The following GALNT17 variants were observed in gnomAD, a reference collection of about 807,000 sequenced individuals.
The protein encoded by GALNT17 is polypeptide N-acetylgalactosaminyltransferase 17.
A neutral mutation model predicts 63.7 loss-of-function variants in GALNT17; 29 were observed. That is an observed-to-expected ratio of 0.46 (90% CI 0.34 to 0.62). The LOEUF (loss-of-function observed/expected upper bound fraction) is 0.62, where lower values mean the gene tolerates loss of function less well. Ranked by LOEUF, GALNT17 falls within the 20% of genes least tolerant of loss-of-function variation. GALNT17 has a pLI of 0.01. For synonymous variants in GALNT17, 305 were observed against 318.3 expected, an observed-to-expected ratio of 0.96 and a Z score of 0.45; for missense variants, 603 against 799.6, an observed-to-expected ratio of 0.75 and a Z score of 2.97.
chr7:71,711,934 C>A, intron 10 of GALNT17, 84 bp from the exon 11 acceptor site: 1 of 1,437,748 alleles, frequency 7.0e-7, no homozygotes, highest in Non-Finnish European at 9.6e-7. Flanking sequence ...TCTCTCCTGT[C>A]TCTCTTTCTC....
chr7:71,702,806 T>A (rs492162), intron 9 of GALNT17, among the ~76,000 whole-genome samples: 127,585 of 152,066 alleles, frequency 0.84, 53,995 homozygotes, highest in East Asian at 0.99. Flanking sequence ...ATGGATTGAA[T>A]ATGGTGGATC....
intron 5 of GALNT17, among the ~76,000 whole-genome samples, chr7:71,512,014 C>CTTT (rs11409175): frequency 0.022 from 2,835 of 131,452 alleles, 141 homozygotes; most frequent in African/African-American, 0.075. Flanking sequence ...GGGTTCCAGC[C>CTTT]TTTTTTTTTT....
chr7:71,210,983 T>C (rs1311747430), intron 1 of GALNT17, among the ~76,000 whole-genome samples: 1 of 152,190 alleles, frequency 6.6e-6, no homozygotes, highest in Non-Finnish European at 1.5e-5. Context: ...CCAAAAATAT[T>C]TTTGGAAAAA....
intron 5 of GALNT17, among the ~76,000 whole-genome samples, chr7:71,481,865 T>A (rs1787823574): frequency 6.6e-6 from 1 of 152,118 alleles, no homozygotes; most frequent in Admixed American, 6.5e-5. Flanking sequence ...TTCAGCTTGT[T>A]CTTGCTTGCT....
chr7:71,623,998 T>C (rs1790334821), intron 6 of GALNT17, among the ~76,000 whole-genome samples: 1 of 152,002 alleles, frequency 6.6e-6, no homozygotes, highest in African/African-American at 2.4e-5. Flanking sequence ...CCCCAGGAAG[T>C]CAAGGAAGCC....
chr7:71,452,673 A>G (rs1787285056), intron 5 of GALNT17, among the ~76,000 whole-genome samples: 1 of 152,160 alleles, frequency 6.6e-6, no homozygotes, highest in South Asian at 2.1e-4. Flanking sequence ...AATCATTTGT[A>G]TTTGCTTCCT....
intron 9 of GALNT17, among the ~76,000 whole-genome samples, chr7:71,704,657 G>A (rs1480318238): frequency 6.6e-6 from 1 of 152,136 alleles, no homozygotes; most frequent in Non-Finnish European, 1.5e-5. Context: ...GTATAGTGTG[G>A]CACAAAGATA....
intron 1 of GALNT17, among the ~76,000 whole-genome samples, chr7:71,298,711 G>GGTGTGT (rs10602909): frequency 0.012 from 1,740 of 141,566 alleles, 32 homozygotes; most frequent in African/African-American, 0.043. Flanking sequence ...ATTCCAGTGG[G>GGTGTGT]GTGTGTGTGT....
chr7:71,147,663 A>C (rs575274572), intron 1 of GALNT17, among the ~76,000 whole-genome samples: 1 of 150,510 alleles, frequency 6.6e-6, no homozygotes, highest in Non-Finnish European at 1.5e-5. Context: ...ACGGAGTCTC[A>C]CTCTGTCGTC....
intron 6 of GALNT17, among the ~76,000 whole-genome samples, chr7:71,588,528 T>C (rs1789752337): frequency 6.6e-6 from 1 of 152,224 alleles, no homozygotes; most frequent in Non-Finnish European, 1.5e-5. Flanking sequence ...TTGTTTTTTC[T>C]TTTCTACCGA....
chr7:71,456,003 T>C (rs1230455497), intron 5 of GALNT17, among the ~76,000 whole-genome samples: 1 of 152,112 alleles, frequency 6.6e-6, no homozygotes, highest in African/African-American at 2.4e-5. Flanking sequence ...CCCAGCACTT[T>C]GGGAGGCTGA....
chr7:71,706,076 G>T lies in GALNT17; in HGVS notation c.1501-4685G>T, dbSNP rs150177187. ...TGGTAGAAAAGCGGATGTGAGATCTGTTTGCCTAACTTTAGCCCCATCATT... is the reference window on the plus strand; with the variant it reads ...TGGTAGAAAAGCGGATGTGAGATCTTTTTGCCTAACTTTAGCCCCATCATT... On this transcript the variant is annotated intron_variant, in intron 9 of 10. Transcript: ENST00000333538. Among the ~76,000 whole-genome samples the T allele has an allele frequency of 2.3e-3, 348 of 152,258 alleles. 3 individuals are homozygous for T. The highest frequency in any genetic ancestry group is 8.1e-3 in the African/African-American group (337 of 41,560).
intron 1 of GALNT17, among the ~76,000 whole-genome samples, chr7:71,172,601 C>T (rs1438729564): frequency 6.6e-6 from 1 of 152,092 alleles, no homozygotes; most frequent in Non-Finnish European, 1.5e-5. Context: ...TAGAGGCCAT[C>T]ACAACTGCTC....
intron 1 of GALNT17, among the ~76,000 whole-genome samples, chr7:71,270,529 C>G (rs560709673): frequency 6.5e-4 from 83 of 128,672 alleles, no homozygotes; most frequent in African/African-American, 2.2e-3. Flanking sequence ...CGTACCCTCC[C>G]CACCCCACCA....
At chr7:71,472,249 A>G (rs555479083) in intron 5 of GALNT17, among the ~76,000 whole-genome samples, 1 of 152,308 alleles carries the variant, frequency 6.6e-6, no homozygotes, top group Admixed American at 6.5e-5. Flanking sequence ...TCCACCTCCT[A>G]AAACCATTGA....
chr7:71,362,611 G>A (rs765655137), intron 2 of GALNT17, among the ~76,000 whole-genome samples: 4 of 152,154 alleles, frequency 2.6e-5, no homozygotes, highest in South Asian at 2.1e-4. Flanking sequence ...CGCATCCCAC[G>A]TGGCTGTGTG....
intron 1 of GALNT17, among the ~76,000 whole-genome samples, chr7:71,266,256 C>T (rs1180565935): frequency 6.6e-6 from 1 of 152,122 alleles, no homozygotes; most frequent in Non-Finnish European, 1.5e-5. Context: ...TATGGTTTGG[C>T]TCTGTGTCCC....
chr7:71,140,827 G>C (rs568500706), intron 1 of GALNT17, among the ~76,000 whole-genome samples: 232 of 150,560 alleles, frequency 1.5e-3, no homozygotes, highest in Non-Finnish European at 1.7e-3. Context: ...TTTGAGACTA[G>C]CTTGGGCAAC....
intron 1 of GALNT17, among the ~76,000 whole-genome samples, chr7:71,267,608 C>A (rs1790514135): frequency 6.6e-6 from 1 of 152,164 alleles, no homozygotes; most frequent in African/African-American, 2.4e-5. Context: ...GGATGGTGAA[C>A]CTGCTTTGTC....
Sources: gnomAD v4.1 joint callset for allele counts (sites outside exome capture counted in the v4.1 genomes callset) on GRCh38, gnomAD v4.1.1 for gene constraint, MANE v1.5 for transcripts, NCBI Gene and HGNC (gene_info 2026-07-23, HGNC 2026-07-21) for gene names.